Variants in STRADA observed in about 807,000 individuals in gnomAD.
STRADA encodes STE20 related adaptor alpha.
STRADA carries 26 observed loss-of-function variants against 55.0 expected under a neutral mutation model. The ratio of observed to expected loss-of-function variants is 0.47; its 90% CI spans 0.35 to 0.66. The LOEUF is 0.66. Ranked by LOEUF, STRADA falls within the 30% of genes least tolerant of loss-of-function variation. The probability of loss-of-function intolerance (pLI) is 0.01; values close to 1 mark genes in which losing one functional copy is unlikely to be tolerated. For missense variants in STRADA, 443 were observed against 549.7 expected, an observed-to-expected ratio of 0.81 and a Z score of 1.94; for synonymous variants, 197 against 210.9, an observed-to-expected ratio of 0.93 and a Z score of 0.57.
chr17:63,714,151 G>A (rs1449206902), intron 4 of STRADA, 43 bp from the exon 5 acceptor site: 2 of 1,517,136 alleles, frequency 1.3e-6, no homozygotes, highest in East Asian at 2.3e-5. Context: ...GAAAACTGGG[G>A]GTGGGATGGG....
At chr17:63,707,532 GTA>G (rs1193919204) in intron 8 of STRADA, 114 bp from the exon 9 acceptor site, 1 of 902,996 alleles carries the variant, frequency 1.1e-6, no homozygotes, top group Non-Finnish European at 1.7e-6. Flanking sequence ...TGTTATACAC[GTA>G]TATGTGTATT....
chr17:63,704,876 G>T, intron 10 of STRADA: 2 of 1,536,082 alleles, frequency 1.3e-6, no homozygotes, highest in South Asian at 2.4e-5. Flanking sequence ...CCTTTCCAAG[G>T]CATCAAATTC....
intron 1 of STRADA, among the ~76,000 whole-genome samples, chr17:63,734,855 C>A (rs2038302765): frequency 6.6e-6 from 1 of 152,040 alleles, no homozygotes; most frequent in Non-Finnish European, 1.5e-5. Flanking sequence ...GAAAGGTTAA[C>A]ATCTAGAAAA....
intron 1 of STRADA, among the ~76,000 whole-genome samples, chr17:63,734,635 T>G (rs2038289916): frequency 1.3e-5 from 2 of 151,556 alleles, no homozygotes; most frequent in South Asian, 4.2e-4. Context: ...AGACCCTGTC[T>G]CAAAAAAAAA....
At position 63,730,681 on chromosome 17, in the gene STRADA, C is replaced by T. The variant is rs372104368; in HGVS notation, c.-44-2268G>A. ...AAGTGATTCTCTGGCTTCAGCCTCC[C>T]GAGTTACTGGGACTATAGGTACGCG... On this transcript the variant is annotated intron_variant, in intron 1 of 12. Coordinates refer to ENST00000336174, the MANE Select transcript of STRADA (RefSeq NM_001003787.4). Among the ~76,000 whole-genome samples, 34 of 152,014 alleles carry T rather than the reference C, an allele frequency of 2.2e-4. 1 individual carries two copies. The East Asian group carries it at 6.4e-3, about 29-fold the overall frequency.
chr17:63,731,457 G>T (rs1310821002), intron 1 of STRADA, among the ~76,000 whole-genome samples: 1 of 151,240 alleles, frequency 6.6e-6, no homozygotes, highest in East Asian at 2.0e-4. Flanking sequence ...GTAGAGGCGG[G>T]GTTTCACCAT....
At chr17:63,726,525 C>T (rs2037670878) in intron 3 of STRADA, 113 bp downstream of exon 3, 2 of 971,258 alleles carry the variant, frequency 2.1e-6, no homozygotes, top group East Asian at 5.3e-5. Context: ...AATCCAACAA[C>T]TGTAGGTTAC....
In STRADA at chr17:63,704,356, C is replaced by T. The variant is rs760725435; in HGVS notation, c.1085G>A (p.Arg362His). 7 of 1,612,180 alleles carry T rather than the reference C, an allele frequency of 4.3e-6. No individual in the cohort carries two copies. The highest frequency in any genetic ancestry group is 1.7e-4 in the Middle Eastern group (1 of 5,814). ...FHHFVEQCLQRNPDARPSAST... is the reference protein window; with the variant it reads ...FHHFVEQCLQHNPDARPSAST... ...GCAGGGATACCTGGCATCCGGGTTG[C>T]GCTGAAGGCACTGCTCCACAAAGTG... Residue 362 changes from arginine (R) to histidine (H), a missense_variant, in exon 11 of 13, where the codon CGC becomes CAC. By Grantham distance (29) the Arg-to-His change is conservative. Transcript: ENST00000336174.
chr17:63,704,302 C>G, intron 11 of STRADA, 39 bp downstream of exon 11: 1 of 1,607,876 alleles, frequency 6.2e-7, no homozygotes, highest in East Asian at 2.2e-5. Context: ...TGAGCACCCT[C>G]TGCTCTCCCG....
intron 3 of STRADA, 198 bp from the exon 4 acceptor site, chr17:63,723,524 T>A: frequency 1.7e-6 from 1 of 605,238 alleles, no homozygotes; most frequent in Non-Finnish European, 3.0e-6. Flanking sequence ...GATAGGGCTT[T>A]AAACATGGAT....
Position 63,704,634 on chromosome 17 carries a change from G to A in STRADA, c.859-52C>T, listed in dbSNP as rs766033987. 8.6e-6 allele frequency: 11 copies of A among 1,284,262 alleles called. No individual in the cohort carries two copies. In the African/African-American group the frequency reaches 1.7e-4, roughly 19 times the overall value. 79.6% of individuals were successfully genotyped at this position (1,284,262 alleles called of 1,614,324 possible). ...GCTGTAGCGGGTGGGGGGGGGGGGT[G>A]GTCCCTGGAAGGCCTGAGAGTCTCT... On this transcript the variant is annotated intron_variant, in intron 10 of 12. Coordinates refer to ENST00000336174, the MANE Select transcript of STRADA (RefSeq NM_001003787.4).
chr17:63,703,622 C>G lies in STRADA; in HGVS notation c.1273G>C (p.Glu425Gln), dbSNP rs748003173. The change falls in exon 13 of 13, where the codon GAG (glutamate) becomes CAG (glutamine). Residue 425 changes from glutamate to glutamine, a missense_variant. Coordinates refer to ENST00000336174, the MANE Select transcript of STRADA (RefSeq NM_001003787.4). ...FGLVTNLEEL[E>Q]VDDWEF is the part of the protein sequence containing the mutation. Reference sequence around the variant, plus strand: ...GCTCAGAACTCCCAATCGTCCACCTCCAGCTCTTCCAGGTTTGTTACCAGG... The same window carrying G: ...GCTCAGAACTCCCAATCGTCCACCTGCAGCTCTTCCAGGTTTGTTACCAGG... The G allele has an allele frequency of 3.1e-6, 5 of 1,614,140 alleles. No homozygotes were observed. The highest frequency in any genetic ancestry group is 4.2e-6 in the Non-Finnish European group (5 of 1,179,990).
At chr17:63,738,139 G>A (rs1266083359) in intron 1 of STRADA, among the ~76,000 whole-genome samples, 3 of 151,752 alleles carry the variant, frequency 2.0e-5, no homozygotes, top group African/African-American at 4.8e-5. Flanking sequence ...TCAGGAGTTC[G>A]AGACCAGCCT....
chr17:63,706,829 T>G lies in STRADA; in HGVS notation c.754-90A>C. The G allele has an allele frequency of 9.0e-6, 9 of 997,336 alleles. No individual in the cohort carries two copies. The South Asian group carries it at 1.2e-4, about 13-fold the overall frequency. 61.8% of individuals were successfully genotyped at this position (997,336 alleles called of 1,614,324 possible). ...ACTAAAGAGAGGAAAAGGATGGCTG[T>G]CCCCACATCAGGACCTGCTGCTAAT... On this transcript the variant is annotated intron_variant, in intron 9 of 12. Transcript: ENST00000336174.
At position 63,720,734 on chromosome 17, in the gene STRADA, C is replaced by T. The variant is rs2037243615; in HGVS notation, c.123+2564G>A. Among the ~76,000 whole-genome samples, 6 of 149,028 alleles carry T rather than the reference C, an allele frequency of 4.0e-5. No homozygotes were observed. In the South Asian group the frequency reaches 8.4e-4, roughly 21 times the overall value. ...AGCTTGCAGTGAGCTGAGATCGCGC[C>T]ACTGCACTCCAGCCTGGGCGACAGA... On this transcript the variant is annotated intron_variant, in intron 4 of 12. Transcript: ENST00000336174.
At chr17:63,723,202 G>C (rs887850282) in intron 4 of STRADA, 96 bp downstream of exon 4, 3 of 1,381,938 alleles carry the variant, frequency 2.2e-6, no homozygotes, top group Admixed American at 3.4e-5. Flanking sequence ...CAGATAAGCA[G>C]AAACATAAAA....
At chr17:63,704,750 G>A (rs1324061442) in intron 10 of STRADA, 168 bp from the exon 11 acceptor site, 11 of 1,526,144 alleles carry the variant, frequency 7.2e-6, no homozygotes, top group African/African-American at 1.4e-5. Flanking sequence ...CCAAAGAAAC[G>A]CTGGTCACTG....
chr17:63,735,872 T>C (rs2144296028), intron 1 of STRADA, among the ~76,000 whole-genome samples: 1 of 152,134 alleles, frequency 6.6e-6, no homozygotes, highest in East Asian at 1.9e-4. Flanking sequence ...AACAAGCCCC[T>C]GGCGTAACTG....
At chr17:63,705,223 G>T in intron 10 of STRADA, 1 of 454,468 alleles carries the variant, frequency 2.2e-6, no homozygotes, top group Non-Finnish European at 4.0e-6. Flanking sequence ...ATAGCCACTA[G>T]CCACTTGTGG....
Sources: gnomAD v4.1 joint callset for allele counts (sites outside exome capture counted in the v4.1 genomes callset) on GRCh38, gnomAD v4.1.1 for gene constraint, MANE v1.5 for transcripts, NCBI Gene and HGNC (gene_info 2026-07-23, HGNC 2026-07-21) for gene names.